LARGE1: variants seen among roughly 807,000 people sequenced by gnomAD.
LARGE1 encodes the protein xylosyl- and glucuronyltransferase LARGE1.
In LARGE1, 43 loss-of-function variants were observed where a neutral mutation model predicts 87.6. The observed-to-expected ratio is 0.49, with a 90% confidence interval of 0.38 to 0.63. The LOEUF is 0.63. Among genes scored for constraint, LARGE1 ranks in the 30% least tolerant of loss-of-function variants. The pLI is 0.00. For missense variants in LARGE1, 802 were observed against 1,000.2 expected (o/e 0.80, Z 2.67); for synonymous variants, 434 against 394.6 (o/e 1.10, Z -1.18).
intron 1 of LARGE1, among the ~76,000 whole-genome samples, chr22:33,908,941 C>G (rs1569027962): frequency 2.0e-5 from 3 of 152,140 alleles, no homozygotes; most frequent in Non-Finnish European, 2.9e-5. Context: ...CAGCTCCACG[C>G]AGCTGCTTTA....
At chr22:33,696,482 C>G (rs542242084) in intron 2 of LARGE1, among the ~76,000 whole-genome samples, 1 of 151,976 alleles carries the variant, frequency 6.6e-6, no homozygotes, top group African/African-American at 2.4e-5. Flanking sequence ...TGGCTGGTCT[C>G]GAGCTCCTGA....
intron 11 of LARGE1, among the ~76,000 whole-genome samples, chr22:33,169,712 G>A (rs1014789568): frequency 9.9e-5 from 15 of 152,046 alleles, no homozygotes; most frequent in Admixed American, 7.2e-4. Context: ...TTAGCTGGGT[G>A]TGGTGGCACG....
chr22:33,746,043 C>T (rs540843674), intron 2 of LARGE1, among the ~76,000 whole-genome samples: 1 of 152,346 alleles, frequency 6.6e-6, no homozygotes, highest in South Asian at 2.1e-4. Flanking sequence ...TTTCAAACTT[C>T]TCTGTGCCTC....
At chr22:33,895,718 A>G (rs1395320123) in intron 1 of LARGE1, among the ~76,000 whole-genome samples, 1 of 152,206 alleles carries the variant, frequency 6.6e-6, no homozygotes, top group Non-Finnish European at 1.5e-5. Flanking sequence ...CTTCAGGGCA[A>G]GTTTGCTATG....
chr22:33,826,700 C>T (rs1034271991), intron 1 of LARGE1, among the ~76,000 whole-genome samples: 1 of 151,732 alleles, frequency 6.6e-6, no homozygotes, highest in Admixed American at 6.6e-5. Flanking sequence ...ACAATCCATG[C>T]TTCTCTCATC....
At chr22:33,128,330 A>G in the LARGE1 span, among the ~76,000 whole-genome samples, 113 of 152,218 alleles carry the variant, frequency 7.4e-4, 3 homozygotes, top group Admixed American at 7.3e-3. Flanking sequence ...TATTCACAAT[A>G]ACAAAGACAT....
Position 33,835,718 on chromosome 22 carries a change from C to T in LARGE1, c.-82-74160G>A, listed in dbSNP as rs1334971478. Among the ~76,000 whole-genome samples the T allele has an allele frequency of 3.3e-5, 5 of 152,184 alleles. No homozygotes were observed. In the East Asian group the frequency reaches 9.6e-4, roughly 29 times the overall value. The stretch of plus-strand genomic sequence containing the variant: ...GATAAATGTCCAAATTCCAAGCTTC[C>T]TTTTATCATCTTTAAAATAGGGGAA... On this transcript the variant is annotated intron_variant, in intron 1 of 14. Transcript: ENST00000397394.
At position 33,913,958 on chromosome 22, in the gene LARGE1, T is replaced by A. The variant is rs372519552; in HGVS notation, c.-83+6037A>T. 2.3e-4 allele frequency among the ~76,000 whole-genome samples: 35 copies of A among 152,292 alleles called. 2 individuals carry two copies. In the South Asian group the frequency reaches 2.7e-3, roughly 12 times the overall value. ...ACGGAATTAGCTATTAAAAGGAGACTCACTATGAATCCCTTTAGTAAGGTA... is the reference window on the plus strand; with the variant it reads ...ACGGAATTAGCTATTAAAAGGAGACACACTATGAATCCCTTTAGTAAGGTA... On this transcript the variant is annotated intron_variant, in intron 1 of 14. Transcript: ENST00000397394.
intron 1 of LARGE1, among the ~76,000 whole-genome samples, chr22:33,829,796 A>T (rs1269445296): frequency 6.6e-6 from 1 of 152,144 alleles, no homozygotes; most frequent in African/African-American, 2.4e-5. Context: ...CAAGATAATG[A>T]AGATTAAAAC....
intron 1 of LARGE1, among the ~76,000 whole-genome samples, chr22:33,831,731 A>T (rs2062975085): frequency 6.7e-6 from 1 of 149,864 alleles, no homozygotes. Context: ...GTCCTAACAC[A>T]ACACACACAC....
chr22:33,659,447 T>C (rs1376934276), intron 2 of LARGE1, among the ~76,000 whole-genome samples: 3 of 152,050 alleles, frequency 2.0e-5, no homozygotes, highest in African/African-American at 7.2e-5. Context: ...GAGAGCTGAG[T>C]CTGCCAACGT....
chr22:33,441,070 A>AATTTTTTTTTTTTTTTTT, intron 6 of LARGE1, among the ~76,000 whole-genome samples: 1 of 93,002 alleles, frequency 1.1e-5, no homozygotes, highest in African/African-American at 6.7e-5. Flanking sequence ...TTTTGTTTGA[A>AATTTTTTTTTTTTTTTTT]CTTTTTTTTT....
chr22:33,333,427 G>A lies in LARGE1; in HGVS notation c.1287+4219C>T, dbSNP rs1044183105. On this transcript the variant is annotated intron_variant, in intron 10 of 14. Transcript: ENST00000397394. ...CTGCCCATCACCAAAACCCTTCAGTGGCTCCTCACTGCCCTGAGGAGAAAC... is the reference window on the plus strand; with the variant it reads ...CTGCCCATCACCAAAACCCTTCAGTAGCTCCTCACTGCCCTGAGGAGAAAC... Among the ~76,000 whole-genome samples the A allele has an allele frequency of 5.3e-5, 8 of 152,126 alleles. No individual in the cohort carries two copies. The South Asian group carries it at 1.7e-3, about 32-fold the overall frequency.
At chr22:33,398,206 T>C (rs1436004872) in intron 7 of LARGE1, among the ~76,000 whole-genome samples, 1 of 151,706 alleles carries the variant, frequency 6.6e-6, no homozygotes, top group Non-Finnish European at 1.5e-5. Flanking sequence ...TTCTGGAATC[T>C]ATATTAAGCT....
chr22:33,831,851 C>A lies in LARGE1; in HGVS notation c.-82-70293G>T, dbSNP rs532155285. Among the ~76,000 whole-genome samples the A allele has an allele frequency of 2.0e-5, 3 of 152,228 alleles. No individual in the cohort carries two copies. In the East Asian group the frequency reaches 5.8e-4, roughly 29 times the overall value. ...AAGCTGCTTGGCCTAGCACACAAAGCCCCTCCCAGCCTGGCCCAGGCGTAA... is the reference window on the plus strand; with the variant it reads ...AAGCTGCTTGGCCTAGCACACAAAGACCCTCCCAGCCTGGCCCAGGCGTAA... On this transcript the variant is annotated intron_variant, in intron 1 of 14. Coordinates refer to ENST00000397394, the MANE Select transcript of LARGE1 (RefSeq NM_133642.5).
intron 2 of LARGE1, among the ~76,000 whole-genome samples, chr22:33,720,326 TA>T (rs1209056411): frequency 1.3e-5 from 2 of 151,992 alleles, no homozygotes; most frequent in Non-Finnish European, 2.9e-5. Context: ...GCTCACGGGG[TA>T]ACGGGAGTGA....
downstream of LARGE1, among the ~76,000 whole-genome samples, chr22:33,157,761 A>G (rs1921917134): frequency 6.6e-6 from 1 of 152,238 alleles, no homozygotes; most frequent in Non-Finnish European, 1.5e-5. Flanking sequence ...TTACAAAGAG[A>G]AAATCTGATA....
intron 6 of LARGE1, among the ~76,000 whole-genome samples, chr22:33,443,341 C>T (rs900248503): frequency 1.3e-5 from 2 of 152,160 alleles, no homozygotes; most frequent in Non-Finnish European, 2.9e-5. Context: ...CTACAGCGGG[C>T]ATCACCATGG....
chr22:33,845,240 T>C (rs970590921), intron 1 of LARGE1, among the ~76,000 whole-genome samples: 1 of 152,184 alleles, frequency 6.6e-6, no homozygotes, highest in African/African-American at 2.4e-5. Context: ...AACTAGATCA[T>C]CTTTGTAGCA....
Sources: gnomAD v4.1 joint callset for allele counts (sites outside exome capture counted in the v4.1 genomes callset) on GRCh38, gnomAD v4.1.1 for gene constraint, MANE v1.5 for transcripts, NCBI Gene and HGNC (gene_info 2026-07-23, HGNC 2026-07-21) for gene names.